Variants in ESCO2 observed in about 807,000 individuals in gnomAD.
The protein encoded by ESCO2 is N-acetyltransferase ESCO2.
ESCO2 carries 51 observed loss-of-function variants against 61.7 expected under a neutral mutation model. That is an observed-to-expected ratio of 0.83 (90% confidence interval 0.66 to 1.04). ESCO2 has a LOEUF of 1.04. Ranked by LOEUF, ESCO2 falls within the 50% of genes least tolerant of loss-of-function variation. The probability of loss-of-function intolerance (pLI) is 0.00; values close to 1 mark genes in which losing one functional copy is unlikely to be tolerated. For synonymous variants in ESCO2, 230 were observed against 238.2 expected (o/e 0.97, Z 0.32); for missense variants, 692 against 686.2 (o/e 1.01, Z -0.09).
chr8:27,806,323 TGTA>T (rs1805562769), downstream of ESCO2, among the ~76,000 whole-genome samples: 1 of 152,154 alleles, frequency 6.6e-6, no homozygotes, highest in Non-Finnish European at 1.5e-5. Flanking sequence ...CCAATATATG[TGTA>T]TGTCTATTTC....
chr8:27,809,061 C>T (rs1353966560), downstream of ESCO2, among the ~76,000 whole-genome samples: 4 of 152,132 alleles, frequency 2.6e-5, no homozygotes, highest in Admixed American at 6.5e-5. Context: ...GATCCAGTTC[C>T]TGCTTTAAGT....
intron 4 of ESCO2, among the ~76,000 whole-genome samples, chr8:27,782,511 G>C (rs1048379363): frequency 2.6e-5 from 4 of 152,086 alleles, no homozygotes; most frequent in African/African-American, 4.8e-5. Flanking sequence ...TGATCCACCC[G>C]CCTTGGCCTC....
chr8:27,798,094 A>T (rs1312156531), intron 9 of ESCO2, among the ~76,000 whole-genome samples: 1 of 152,226 alleles, frequency 6.6e-6, no homozygotes. Context: ...GGGAAACCAG[A>T]TCTCTCACAC....
At chr8:27,773,992 G>A (rs962707925), upstream of ESCO2, among the ~76,000 whole-genome samples, 2 of 152,164 alleles carry the variant, frequency 1.3e-5, no homozygotes, top group Admixed American at 1.3e-4. Flanking sequence ...GTGGTAAGAA[G>A]TAAATGAAAC....
Position 27,804,427 on chromosome 8 carries a change from CA to C in ESCO2, c.*993del. The C allele has an allele frequency of 1.0e-6, 1 of 985,256 alleles. No homozygotes were observed. The allele number at this position is 985,256 out of a possible 1,614,324, so 61.0% of individuals were successfully genotyped here. ...ACCTTACTTGTTCTGAGATACCTGGCAAAAGTCTTTACAAAATGTATGGTAA... is the reference window on the plus strand; with the variant it reads ...ACCTTACTTGTTCTGAGATACCTGGCAAAGTCTTTACAAAATGTATGGTAA... On this transcript the variant is annotated 3_prime_UTR_variant, in exon 11 of 11. Transcript: ENST00000305188.
Position 27,787,944 on chromosome 8 carries a change from TC to T in ESCO2, c.1075del (p.Gln359ArgfsTer36). The T allele has an allele frequency of 6.2e-7, 1 of 1,613,674 alleles. No homozygotes were observed. Among genetic ancestry groups the T allele is most frequent in the Non-Finnish European group, 8.5e-7 (1 of 1,179,854 alleles). The stretch of plus-strand genomic sequence containing the variant: ...GTCAACTTCATGAAACAGACCAATA[TC>T]CAGAAAAATACTAATACCAGAGATA... ...GSVNFMKQTN[I>X]QKNTNTRDTS... On this transcript the variant is annotated frameshift_variant, in exon 6 of 11. Transcript: ENST00000305188. LOFTEE classifies it high-confidence loss of function.
the ESCO2 span, among the ~76,000 whole-genome samples, chr8:27,819,380 G>A: frequency 0.05 from 7,643 of 151,828 alleles, 329 homozygotes; most frequent in East Asian, 0.2. Flanking sequence ...GAGTAGTTTT[G>A]AACATATCAA....
chr8:27,779,970 C>T (rs1027260322), intron 3 of ESCO2: 2 of 506,750 alleles, frequency 3.9e-6, no homozygotes, highest in Non-Finnish European at 7.2e-6. Flanking sequence ...CTGCTGTACT[C>T]TGGCTTTAAA....
chr8:27,798,671 A>G (rs549059205), intron 9 of ESCO2, among the ~76,000 whole-genome samples: 2 of 152,322 alleles, frequency 1.3e-5, no homozygotes, highest in East Asian at 1.9e-4. Context: ...CAGCCATATG[A>G]TGGAATATTA....
rs200753108 is a variant in ESCO2 at position 27,803,908 on chromosome 8, T to A, written c.*470T>A. ...ATTTGTAAAGGGAATTCCTGAATTT[T>A]TTTTTTTTTTTAATAGAGGCATGGG... is the stretch of plus-strand genomic sequence containing the variant. On this transcript the variant is annotated 3_prime_UTR_variant, in exon 11 of 11. Transcript: ENST00000305188. 27 of 971,018 alleles carry A rather than the reference T, an allele frequency of 2.8e-5. No homozygotes were observed. In the East Asian group the frequency reaches 4.2e-4, roughly 15 times the overall value. The allele number at this position is 971,018 out of a possible 1,614,324, so 60.2% of individuals were successfully genotyped here. A position where few individuals can be genotyped will look rare whatever the true frequency, so the allele number is the denominator to read the frequency against.
chr8:27,787,555 A>G (rs1805074304), intron 5 of ESCO2, among the ~76,000 whole-genome samples: 1 of 152,172 alleles, frequency 6.6e-6, no homozygotes, highest in Admixed American at 6.5e-5. Context: ...ATAAAGCAAA[A>G]AAATCTTTTT....
chr8:27,800,081 AAATAT>A (rs1158967330), intron 10 of ESCO2, among the ~76,000 whole-genome samples: 1 of 152,194 alleles, frequency 6.6e-6, no homozygotes, highest in Non-Finnish European at 1.5e-5. Context: ...ACGCTTCAAT[AAATAT>A]AATCTATACA....
intron 8 of ESCO2, 117 bp from the exon 9 acceptor site, chr8:27,792,551 A>G: frequency 9.0e-7 from 1 of 1,106,652 alleles, no homozygotes; most frequent in South Asian, 1.6e-5. Flanking sequence ...TAAATTTAAG[A>G]AATAGAAATT....
At chr8:27,786,238 G>T (rs1458244023) in intron 5 of ESCO2, among the ~76,000 whole-genome samples, 1 of 152,208 alleles carries the variant, frequency 6.6e-6, no homozygotes, top group African/African-American at 2.4e-5. Context: ...AAGACAAAAG[G>T]ATCTTTTTAA....
downstream of ESCO2, among the ~76,000 whole-genome samples, chr8:27,814,919 C>G: frequency 6.6e-6 from 1 of 152,148 alleles, no homozygotes; most frequent in Non-Finnish European, 1.5e-5. Flanking sequence ...CTAGGATAAA[C>G]TCAAACTCTT....
intron 3 of ESCO2, chr8:27,777,685 C>G (rs929175608): frequency 6.6e-6 from 1 of 152,378 alleles, no homozygotes; most frequent in Non-Finnish European, 1.5e-5. Context: ...TGTTGCTGAC[C>G]TCCTGTTTAT....
chr8:27,772,646 G>T, upstream of ESCO2: 1 of 1,111,050 alleles, frequency 9.0e-7, no homozygotes, highest in Non-Finnish European at 1.3e-6. Context: ...GAACTCCTCC[G>T]TGCACTTCCG....
At chr8:27,783,802 G>A (rs1390725304) in intron 4 of ESCO2, among the ~76,000 whole-genome samples, 198 bp from the exon 5 acceptor site, 1 of 152,110 alleles carries the variant, frequency 6.6e-6, no homozygotes, top group Non-Finnish European at 1.5e-5. Flanking sequence ...TTGAATAGGT[G>A]TAATTTTTTT....
At chr8:27,807,740 C>G (rs1177147331), downstream of ESCO2, among the ~76,000 whole-genome samples, 2 of 152,096 alleles carry the variant, frequency 1.3e-5, no homozygotes, top group South Asian at 2.1e-4. Context: ...AAGGGAGGTA[C>G]TATGGTCTGA....
Sources: allele counts gnomAD v4.1 joint callset (sites outside exome capture counted in the v4.1 genomes callset), GRCh38; gene constraint gnomAD v4.1.1; transcripts MANE v1.5; gene names NCBI Gene and HGNC (gene_info 2026-07-23, HGNC 2026-07-21).